IL1RAPL1: variants seen among roughly 807,000 people sequenced by gnomAD.
The protein encoded by IL1RAPL1 is interleukin 1 receptor accessory protein like 1, also known as interleukin-1 receptor accessory protein-like 1.
IL1RAPL1 carries 3 observed loss-of-function variants against 48.4 expected under a neutral mutation model. The ratio of observed to expected loss-of-function variants is 0.06; its 90% CI spans 0.03 to 0.16. The LOEUF is 0.16. Among genes scored for constraint, IL1RAPL1 ranks in the 10% least tolerant of loss-of-function variants. IL1RAPL1 has a pLI of 1.00. For synonymous variants in IL1RAPL1, 185 were observed against 187.7 expected (o/e 0.99, Z 0.12); for missense variants, 349 against 530.6 (o/e 0.66, Z 3.36).
At chrX:29,134,763 TCTTCTAATTCCTTGGGTCTATTAC>T (rs1271090781) in intron 2 of IL1RAPL1, among the ~76,000 whole-genome samples, 5 of 111,317 alleles carry the variant, frequency 4.5e-5, no homozygotes, top group African/African-American at 1.6e-4. Flanking sequence ...TTGGTAAAGT[TCTTCTAATTCCTTGGGTCTATTAC>T]CTACTTTTTA....
intron 1 of IL1RAPL1, among the ~76,000 whole-genome samples, chrX:28,721,848 G>T (rs1175932412): frequency 9.0e-6 from 1 of 111,079 alleles, no homozygotes; most frequent in Non-Finnish European, 1.9e-5. Flanking sequence ...TTATTAAATA[G>T]GGAATCCTTT....
chrX:29,053,591 C>T (rs774450542), intron 2 of IL1RAPL1, among the ~76,000 whole-genome samples: 16 of 111,677 alleles, frequency 1.4e-4, no homozygotes, highest in East Asian at 5.7e-4. Context: ...ATAGCCATTC[C>T]GACTAGTGTG....
At chrX:28,863,154 G>A (rs5985925) in intron 2 of IL1RAPL1, among the ~76,000 whole-genome samples, 56,554 of 110,132 alleles carry the variant, frequency 0.51, 12,170 homozygotes, top group African/African-American at 0.82. Flanking sequence ...TGCTGGGATT[G>A]CAGGTGTGAG....
At chrX:28,885,011 G>T (rs1004874526) in intron 2 of IL1RAPL1, among the ~76,000 whole-genome samples, 289 of 111,173 alleles carry the variant, frequency 2.6e-3, no homozygotes, top group African/African-American at 9.2e-3. Flanking sequence ...AACAGTTAAT[G>T]AGGAAACCAA....
intron 6 of IL1RAPL1, among the ~76,000 whole-genome samples, chrX:29,681,287 G>A (rs185252078): frequency 1.2e-4 from 13 of 112,272 alleles, no homozygotes; most frequent in Middle Eastern, 4.6e-3. Flanking sequence ...TGGCTATCAC[G>A]AAATATGAAT....
chrX:29,619,382 T>G, intron 5 of IL1RAPL1, among the ~76,000 whole-genome samples: 1 of 112,042 alleles, frequency 8.9e-6, no homozygotes, highest in East Asian at 2.8e-4. Context: ...CTAGGATGCT[T>G]TTGATAATTT....
At chrX:29,729,074 G>A (rs1025564653) in intron 6 of IL1RAPL1, among the ~76,000 whole-genome samples, 3 of 111,574 alleles carry the variant, frequency 2.7e-5, no homozygotes, top group East Asian at 2.8e-4. Flanking sequence ...TCATGTCTAC[G>A]TTTTTCGATG....
intron 1 of IL1RAPL1, among the ~76,000 whole-genome samples, chrX:28,678,843 A>G (rs919837934): frequency 8.9e-6 from 1 of 112,473 alleles, no homozygotes; most frequent in Non-Finnish European, 1.9e-5. Flanking sequence ...AAAATGTGCA[A>G]TTCAATGTGT....
chrX:28,944,403 G>A (rs1029741918), intron 2 of IL1RAPL1, among the ~76,000 whole-genome samples: 7 of 110,544 alleles, frequency 6.3e-5, no homozygotes, highest in African/African-American at 1.3e-4. Flanking sequence ...TTTATGAACC[G>A]ATCTCATATC....
intron 2 of IL1RAPL1, among the ~76,000 whole-genome samples, chrX:29,018,941 C>T (rs970353793): frequency 1.4e-4 from 16 of 111,580 alleles, no homozygotes; most frequent in African/African-American, 5.2e-4. Flanking sequence ...TGGACATACC[C>T]GAGATTGGGT....
chrX:28,772,086 G>A (rs759596939), intron 1 of IL1RAPL1, among the ~76,000 whole-genome samples: 2 of 111,117 alleles, frequency 1.8e-5, no homozygotes, highest in Non-Finnish European at 3.8e-5. Flanking sequence ...GATTAAGAGC[G>A]CTTTCTACCC....
intron 5 of IL1RAPL1, among the ~76,000 whole-genome samples, chrX:29,426,560 T>C: frequency 8.9e-6 from 1 of 111,734 alleles, no homozygotes; most frequent in East Asian, 2.8e-4. Context: ...CGTGTAATGT[T>C]GGGAACAATA....
chrX:29,314,652 T>C lies in IL1RAPL1; in HGVS notation c.362+31435T>C, dbSNP rs190965632. The stretch of plus-strand genomic sequence containing the variant: ...GACAACCTCTCTGAGTTTCCTCAAT[T>C]GTAAAATGGGGATACCAGTGGCACC... On this transcript the variant is annotated intron_variant, in intron 3 of 10. Transcript: ENST00000378993. 2.6e-3 allele frequency among the ~76,000 whole-genome samples: 289 copies of C among 112,719 alleles called. 3 individuals carry two copies. The highest frequency in any genetic ancestry group is 8.8e-3 in the African/African-American group (275 of 31,097).
intron 5 of IL1RAPL1, among the ~76,000 whole-genome samples, chrX:29,521,161 A>G (rs748899253): frequency 8.9e-6 from 1 of 112,789 alleles, no homozygotes; most frequent in South Asian, 3.6e-4. Flanking sequence ...ATTTCTTTCA[A>G]ACCTCATCCA....
At chrX:29,724,767 C>T (rs1927732676) in intron 6 of IL1RAPL1, among the ~76,000 whole-genome samples, 1 of 111,703 alleles carries the variant, frequency 9.0e-6, no homozygotes, top group African/African-American at 3.3e-5. Flanking sequence ...ATAGAACCTA[C>T]TGAATATGGT....
chrX:29,270,663 G>A (rs1357799563), intron 2 of IL1RAPL1, among the ~76,000 whole-genome samples: 1 of 111,830 alleles, frequency 8.9e-6, no homozygotes, highest in Non-Finnish European at 1.9e-5. Flanking sequence ...CTTTGATTAT[G>A]TTTGATTAGT....
At chrX:29,513,919 C>T (rs1935419825) in intron 5 of IL1RAPL1, among the ~76,000 whole-genome samples, 1 of 111,463 alleles carries the variant, frequency 9.0e-6, no homozygotes, top group Non-Finnish European at 1.9e-5. Flanking sequence ...AGATGACAAA[C>T]TTTTTTAGGT....
intron 1 of IL1RAPL1, among the ~76,000 whole-genome samples, chrX:28,634,003 A>G (rs1934430628): frequency 9.0e-6 from 1 of 111,026 alleles, no homozygotes; most frequent in African/African-American, 3.3e-5. Context: ...TGATTATATC[A>G]TAGAATTTTT....
intron 1 of IL1RAPL1, among the ~76,000 whole-genome samples, chrX:28,687,400 A>G (rs1464388113): frequency 4.5e-5 from 5 of 112,357 alleles, no homozygotes; most frequent in Non-Finnish European, 7.5e-5. Context: ...AGATTTTAGT[A>G]TATTTTTACT....
Sources: gnomAD v4.1 joint callset for allele counts (sites outside exome capture counted in the v4.1 genomes callset) on GRCh38, gnomAD v4.1.1 for gene constraint, MANE v1.5 for transcripts, NCBI Gene and HGNC (gene_info 2026-07-23, HGNC 2026-07-21) for gene names.